The following ARFGEF3 variants were observed in gnomAD, a reference collection of about 807,000 sequenced individuals.
ARFGEF3 encodes the protein brefeldin A-inhibited guanine nucleotide-exchange protein 3.
A neutral mutation model predicts 221.7 loss-of-function variants in ARFGEF3; 96 were observed. The observed-to-expected ratio is 0.43, with a 90% CI of 0.37 to 0.51. The LOEUF is 0.51. Ranked by LOEUF, ARFGEF3 falls within the 20% of genes least tolerant of loss-of-function variation. ARFGEF3 has a pLI of 0.00. For synonymous variants in ARFGEF3, 1,145 were observed against 1,126.8 expected (o/e 1.02, Z -0.32); for missense variants, 2,410 against 2,789.9 (o/e 0.86, Z 3.07).
chr6:138,219,420 G>A (rs914189361), intron 4 of ARFGEF3, among the ~76,000 whole-genome samples: 1 of 152,128 alleles, frequency 6.6e-6, no homozygotes, highest in Non-Finnish European at 1.5e-5. Flanking sequence ...AGGAGGGGGA[G>A]GATGGGTTTG....
In ARFGEF3 at chr6:138,263,379, G is replaced by A. The variant is rs151159641; in HGVS notation, c.1896G>A (p.Ser632=). ...SGRSDVSDIG[S]DNCSLADEEQ... is the part of the protein sequence containing the mutation. ...GGTCCGACGTGTCAGACATTGGGTCGGACAACTGTTCACTAGCCGATGAAG... is the reference window on the plus strand; with the variant it reads ...GGTCCGACGTGTCAGACATTGGGTCAGACAACTGTTCACTAGCCGATGAAG... Residue 632 remains serine (S), a synonymous_variant, in exon 12 of 34, where the codon TCG becomes TCA. Transcript: ENST00000251691. 5.0e-5 allele frequency: 80 copies of A among 1,613,972 alleles called. No individual in the cohort carries two copies. The African/African-American group carries it at 5.6e-4, about 11-fold the overall frequency.
At chr6:138,243,231 A>C (rs533114308) in intron 7 of ARFGEF3, among the ~76,000 whole-genome samples, 1 of 152,312 alleles carries the variant, frequency 6.6e-6, no homozygotes, top group South Asian at 2.1e-4. Context: ...CCTGAGGGAA[A>C]TTAACGCTTC....
intron 8 of ARFGEF3, among the ~76,000 whole-genome samples, chr6:138,247,725 A>T (rs140574619): frequency 8.5e-4 from 129 of 152,348 alleles, no homozygotes; most frequent in Non-Finnish European, 2.2e-4. Context: ...TAAAATAATT[A>T]ATAGACTATT....
chr6:138,318,404 C>A (rs1423254548), intron 27 of ARFGEF3, among the ~76,000 whole-genome samples: 1 of 152,094 alleles, frequency 6.6e-6, no homozygotes, highest in Admixed American at 6.6e-5. Context: ...AAGATGTTTG[C>A]TGAAACATCT....
At position 138,229,792 on chromosome 6, in the gene ARFGEF3, A is replaced by C; in HGVS notation, c.360A>C (p.Leu120=). 6.2e-7 allele frequency: 1 copy of C among 1,613,266 alleles called. No individual in the cohort carries two copies. Among genetic ancestry groups the C allele is most frequent in the Admixed American group, 1.7e-5 (1 of 60,000 alleles). ...CTCTCACCTTGTTAAAGGTTTTACT[A>C]TGCATCACCTACACGCCAACATTTG... The part of the protein sequence containing the change: ...DLQVEVMKVL[L]CITYTPTFDL... The change falls in exon 5 of 34, where the codon CTA becomes CTC. Residue 120 remains leucine (L), a synonymous_variant. Transcript: ENST00000251691.
intron 12 of ARFGEF3, among the ~76,000 whole-genome samples, chr6:138,267,266 A>G (rs1039546685): frequency 6.6e-6 from 1 of 152,132 alleles, no homozygotes; most frequent in African/African-American, 2.4e-5. Flanking sequence ...TCTACTAAAA[A>G]GACAAAAAAT....
chr6:138,218,183 A>G, intron 4 of ARFGEF3: 1 of 1,613,972 alleles, frequency 6.2e-7, no homozygotes, highest in Non-Finnish European at 8.5e-7. Context: ...GTTCTATGGA[A>G]TAATCAATGA....
intron 33 of ARFGEF3, among the ~76,000 whole-genome samples, chr6:138,335,780 T>C (rs1367129190): frequency 6.6e-6 from 1 of 152,222 alleles, no homozygotes; most frequent in Non-Finnish European, 1.5e-5. Flanking sequence ...GAAGAAATTC[T>C]GTAGTTATGA....
rs185384141 is a variant in ARFGEF3 at position 138,336,996 on chromosome 6, T to C, written c.*510T>C. The C allele has an allele frequency of 6.6e-6, 1 of 152,636 alleles. No homozygotes were observed. The highest frequency in any genetic ancestry group is 2.4e-5 in the African/African-American group (1 of 41,452). 9.5% of individuals were successfully genotyped at this position (152,636 alleles called of 1,614,324 possible). A position where few individuals can be genotyped will look rare whatever the true frequency, so the allele number is the denominator to read the frequency against. ...TGGCTGGGAAGAAGACAACTATAAATACATATTCTTGGGTGTCATAATCAA... is the reference window on the plus strand; with the variant it reads ...TGGCTGGGAAGAAGACAACTATAAACACATATTCTTGGGTGTCATAATCAA... On this transcript the variant is annotated 3_prime_UTR_variant, in exon 34 of 34. Coordinates refer to ENST00000251691, the MANE Select transcript of ARFGEF3 (RefSeq NM_020340.5).
chr6:138,253,877 C>A lies in ARFGEF3; in HGVS notation c.666-3C>A. 1 of 1,570,746 alleles carries A rather than the reference C, an allele frequency of 6.4e-7. No homozygotes were observed. Among genetic ancestry groups the A allele is most frequent in the East Asian group, 2.3e-5 (1 of 42,896 alleles). ...CATTTGTGTCGGTTCTGCTCTTCTGCAGTGACAGCCAGCAGCTGCAGCTTC... is the reference window on the plus strand; with the variant it reads ...CATTTGTGTCGGTTCTGCTCTTCTGAAGTGACAGCCAGCAGCTGCAGCTTC... On this transcript the variant is annotated splice_region_variant and splice_polypyrimidine_tract_variant and intron_variant, in intron 8 of 33. Transcript: ENST00000251691.
intron 5 of ARFGEF3, among the ~76,000 whole-genome samples, chr6:138,233,521 C>T (rs911988555): frequency 4.6e-5 from 7 of 152,144 alleles, no homozygotes; most frequent in South Asian, 2.1e-4. Context: ...GGATTACAGG[C>T]GCATGCCACC....
chr6:138,231,786 T>A (rs1778197477), intron 5 of ARFGEF3, among the ~76,000 whole-genome samples: 2 of 152,210 alleles, frequency 1.3e-5, no homozygotes, highest in Admixed American at 1.3e-4. Flanking sequence ...GGAAGTGGGA[T>A]GTGTACTTAA....
intron 26 of ARFGEF3, 145 bp from the exon 27 acceptor site, chr6:138,317,106 A>G (rs796510404): frequency 1.4e-5 from 10 of 727,878 alleles, no homozygotes; most frequent in African/African-American, 8.9e-5. Context: ...GTTCATGTCT[A>G]TGGCCACTGA....
At chr6:138,228,208 A>C (rs1583022370) in intron 4 of ARFGEF3, among the ~76,000 whole-genome samples, 1 of 118,384 alleles carries the variant, frequency 8.4e-6, no homozygotes, top group Non-Finnish European at 1.6e-5. Context: ...ATGGAGTCTC[A>C]CTCTGTCACC....
intron 10 of ARFGEF3, among the ~76,000 whole-genome samples, chr6:138,258,409 G>A (rs775817998): frequency 1.3e-5 from 2 of 152,162 alleles, no homozygotes; most frequent in East Asian, 1.9e-4. Context: ...TGAGGCTCTG[G>A]GGGGAGAAGT....
intron 4 of ARFGEF3, among the ~76,000 whole-genome samples, chr6:138,222,588 A>G (rs1404256331): frequency 6.6e-6 from 1 of 152,210 alleles, no homozygotes; most frequent in Non-Finnish European, 1.5e-5. Flanking sequence ...GGATGCTGCT[A>G]CATATCCTAC....
chr6:138,281,507 T>C (rs895408138), intron 14 of ARFGEF3, among the ~76,000 whole-genome samples: 3 of 152,184 alleles, frequency 2.0e-5, no homozygotes, highest in African/African-American at 2.4e-5. Context: ...GTTGTTACCG[T>C]CTGGACGTCC....
chr6:138,334,429 C>G lies in ARFGEF3; in HGVS notation c.5583C>G (p.Asp1861Glu). Residue 1861 changes from aspartate (D) to glutamate (E), a missense_variant, in exon 33 of 34, where the codon GAC becomes GAG. Asp to Glu is a conservative substitution (Grantham distance 45). Around this residue, in one of 5 missense-constraint regions of ARFGEF3, gnomAD observed 723 missense variants for 991.9 expected, o/e 0.73. Coordinates refer to ENST00000251691, the MANE Select transcript of ARFGEF3 (RefSeq NM_020340.5). This position sits in a 1 kb window ranked among gnomAD's most constrained non-coding sequence, Gnocchi z 5.1. ...AGCAGTGTTCATCTGAGGATGAAGA[C>G]ATCTTTGAGGAAACCGCCCAGGTCA... ...SSQQCSSEDE[D>E]IFEETAQVSP... is the part of the protein sequence containing the mutation. The G allele has an allele frequency of 6.2e-7, 1 of 1,611,846 alleles. No homozygotes were observed. The highest frequency in any genetic ancestry group is 1.1e-5 in the South Asian group (1 of 90,516).
At chr6:138,235,005 C>T (rs111233955) in intron 5 of ARFGEF3, among the ~76,000 whole-genome samples, 16 of 152,262 alleles carry the variant, frequency 1.1e-4, no homozygotes, top group African/African-American at 3.6e-4. Flanking sequence ...CTTTGGCCAA[C>T]ATATATTGAA....
Sources: allele counts gnomAD v4.1 joint callset (sites outside exome capture counted in the v4.1 genomes callset), GRCh38; gene constraint gnomAD v4.1.1; regional missense constraint gnomAD v4.1.1; non-coding constraint Gnocchi (gnomAD v3.1); transcripts MANE v1.5; gene names NCBI Gene and HGNC (gene_info 2026-07-23, HGNC 2026-07-21).